Variants in FBXL7 observed in about 807,000 individuals in gnomAD.
The protein encoded by FBXL7 is F-box and leucine rich repeat protein 7, also known as F-box/LRR-repeat protein 7.
A neutral mutation model predicts 38.3 loss-of-function variants in FBXL7; 12 were observed. The observed-to-expected ratio is 0.31, with a 90% confidence interval of 0.20 to 0.51. The LOEUF (loss-of-function observed/expected upper bound fraction) is 0.51. Ranked by LOEUF, FBXL7 falls within the 20% of genes least tolerant of loss-of-function variation. The pLI, the probability that FBXL7 is intolerant of heterozygous loss-of-function variation, is 0.98. For synonymous variants in FBXL7, 297 were observed against 300.9 expected (o/e 0.99, Z 0.13); for missense variants, 567 against 676.4 (o/e 0.84, Z 1.79).
At chr5:15,779,885 T>C (rs866697239) in intron 2 of FBXL7, among the ~76,000 whole-genome samples, 1 of 152,196 alleles carries the variant, frequency 6.6e-6, no homozygotes, top group Admixed American at 6.5e-5. Context: ...CTTGGAATAC[T>C]TGTTTTTCAG....
intron 1 of FBXL7, among the ~76,000 whole-genome samples, chr5:15,522,840 A>G (rs1449374600): frequency 1.3e-5 from 2 of 152,246 alleles, no homozygotes; most frequent in African/African-American, 4.8e-5. Flanking sequence ...TATAATTCTT[A>G]CAACATTCTA....
chr5:15,593,668 A>AAAATGTAC (rs1303915132), intron 1 of FBXL7, among the ~76,000 whole-genome samples: 3 of 152,192 alleles, frequency 2.0e-5, no homozygotes, highest in Non-Finnish European at 4.4e-5. Flanking sequence ...GATAGACATA[A>AAAATGTAC]AAATGTACAG....
chr5:15,686,169 A>T (rs942307392), intron 2 of FBXL7, among the ~76,000 whole-genome samples: 1 of 152,154 alleles, frequency 6.6e-6, no homozygotes, highest in African/African-American at 2.4e-5. Flanking sequence ...TTTGTTTACT[A>T]TTCATCTGGT....
chr5:15,707,986 C>T (rs1579395342), intron 2 of FBXL7, among the ~76,000 whole-genome samples: 1 of 152,218 alleles, frequency 6.6e-6, no homozygotes, highest in Non-Finnish European at 1.5e-5. Flanking sequence ...AAAACAGCTT[C>T]TCTCTTTCCT....
At position 15,936,474 on chromosome 5, in the gene FBXL7, G is replaced by A. The variant is rs370550112; in HGVS notation, c.764G>A (p.Ser255Asn). 4.3e-6 allele frequency: 7 copies of A among 1,613,012 alleles called. No homozygotes were observed. Among genetic ancestry groups the A allele is most frequent in the Non-Finnish European group, 5.9e-6 (7 of 1,179,892 alleles). ...GGATGCTCCAAAGTGACCTGCATCAGCTTGACCCGGGAGGCCTCCATTAAA... is the reference window on the plus strand; with the variant it reads ...GGATGCTCCAAAGTGACCTGCATCAACTTGACCCGGGAGGCCTCCATTAAA... Reference protein sequence around the residue: ...VSGCSKVTCISLTREASIKLS... With the variant: ...VSGCSKVTCINLTREASIKLS... Residue 255 changes from serine (S) to asparagine (N), a missense_variant, in exon 4 of 4, where the codon AGC (serine) becomes AAC (asparagine). Coordinates refer to ENST00000504595, the MANE Select transcript of FBXL7 (RefSeq NM_012304.5). This position sits in a 1 kb window ranked among gnomAD's most constrained non-coding sequence, Gnocchi z 6.0.
chr5:15,500,528 G>A lies in FBXL7; in HGVS notation c.-149G>A. 1 of 1,048,224 alleles carries A rather than the reference G, an allele frequency of 9.5e-7. No homozygotes were observed. Among genetic ancestry groups the A allele is most frequent in the Non-Finnish European group, 1.5e-6 (1 of 669,038 alleles). The allele number at this position is 1,048,224 out of a possible 1,614,324, so 64.9% of individuals were successfully genotyped here. On this transcript the variant is annotated 5_prime_UTR_variant, in exon 1 of 4. Coordinates refer to ENST00000504595, the MANE Select transcript of FBXL7 (RefSeq NM_012304.5). ...GCACCCCCTCCCACTGGAGTGCGGG[G>A]ACCTCTCCAGGCCGGAGGTCGGCCC...
chr5:15,696,243 A>G (rs1743330618), intron 2 of FBXL7, among the ~76,000 whole-genome samples: 1 of 152,136 alleles, frequency 6.6e-6, no homozygotes, highest in African/African-American at 2.4e-5. Context: ...TTAGCCACCC[A>G]GAAATTAAGT....
intron 2 of FBXL7, among the ~76,000 whole-genome samples, chr5:15,894,728 A>G (rs193022451): frequency 6.6e-6 from 1 of 152,358 alleles, no homozygotes; most frequent in East Asian, 1.9e-4. Context: ...TATGAGGTAG[A>G]GTTTTACTGT....
At chr5:15,583,214 GC>G (rs1739199240) in intron 1 of FBXL7, among the ~76,000 whole-genome samples, 1 of 152,084 alleles carries the variant, frequency 6.6e-6, no homozygotes, top group Non-Finnish European at 1.5e-5. Context: ...GGGGGAAACT[GC>G]CCACATGATC....
chr5:15,807,732 A>G (rs1737751271), intron 2 of FBXL7, among the ~76,000 whole-genome samples: 1 of 151,562 alleles, frequency 6.6e-6, no homozygotes, highest in African/African-American at 2.4e-5. Context: ...GAACATCCAC[A>G]TTCTCAAACA....
intron 2 of FBXL7, among the ~76,000 whole-genome samples, chr5:15,742,878 C>T (rs1027442257): frequency 6.6e-6 from 1 of 152,098 alleles, no homozygotes. Context: ...GTAAACACAT[C>T]CTTCTTCACA....
chr5:15,890,651 G>A (rs569075596), intron 2 of FBXL7, among the ~76,000 whole-genome samples: 1 of 152,226 alleles, frequency 6.6e-6, no homozygotes, highest in South Asian at 2.1e-4. Flanking sequence ...AGATGGAAAA[G>A]TTTCATCCTG....
intron 1 of FBXL7, among the ~76,000 whole-genome samples, chr5:15,516,873 G>A (rs1222059050): frequency 2.0e-5 from 3 of 152,182 alleles, no homozygotes; most frequent in Middle Eastern, 3.4e-3. Flanking sequence ...GTGATTGTGC[G>A]TTTCCTGAGG....
chr5:15,871,914 T>C (rs1042640876), intron 2 of FBXL7, among the ~76,000 whole-genome samples: 2 of 152,078 alleles, frequency 1.3e-5, no homozygotes, highest in Admixed American at 1.3e-4. Flanking sequence ...AGGCAAACAT[T>C]CAAATTTATG....
chr5:15,718,580 A>G (rs1423160290), intron 2 of FBXL7, among the ~76,000 whole-genome samples: 5 of 152,248 alleles, frequency 3.3e-5, no homozygotes, highest in African/African-American at 1.2e-4. Context: ...GCATGCAGGC[A>G]TCGTGATAAT....
At chr5:15,662,349 T>G (rs1043329542) in intron 2 of FBXL7, among the ~76,000 whole-genome samples, 5 of 152,180 alleles carry the variant, frequency 3.3e-5, no homozygotes, top group Non-Finnish European at 7.3e-5. Flanking sequence ...TTAAAGGGTT[T>G]GTTTGTTTTT....
At chr5:15,668,362 TTGTGTTTGTGTGTG>T (rs2126593550) in intron 2 of FBXL7, among the ~76,000 whole-genome samples, 1 of 135,762 alleles carries the variant, frequency 7.4e-6, no homozygotes, top group Non-Finnish European at 1.6e-5. Context: ...TCCTTTATAT[TTGTGTTTGTGTGTG>T]TGTGTGTGTG....
chr5:15,596,065 G>T (rs1272231172), intron 1 of FBXL7, among the ~76,000 whole-genome samples: 1 of 152,170 alleles, frequency 6.6e-6, no homozygotes, highest in Non-Finnish European at 1.5e-5. Context: ...GAAAAATGGA[G>T]ACTTACAGAT....
At chr5:15,669,157 G>T (rs1027869433) in intron 2 of FBXL7, among the ~76,000 whole-genome samples, 2 of 152,202 alleles carry the variant, frequency 1.3e-5, no homozygotes, top group East Asian at 3.9e-4. Flanking sequence ...TGAGCAGATG[G>T]TAACTAATTG....
Sources: allele counts gnomAD v4.1 joint callset (sites outside exome capture counted in the v4.1 genomes callset), GRCh38; gene constraint gnomAD v4.1.1; non-coding constraint Gnocchi (gnomAD v3.1); transcripts MANE v1.5; gene names NCBI Gene and HGNC (gene_info 2026-07-23, HGNC 2026-07-21).